The following NOXRED1 variants were observed in gnomAD, a reference collection of about 807,000 sequenced individuals.
NOXRED1 encodes the protein NADP dependent oxidoreductase domain containing 1.
In NOXRED1, 20 loss-of-function variants were observed where a neutral mutation model predicts 30.4. The ratio of observed to expected loss-of-function variants is 0.66; its 90% CI spans 0.46 to 0.96. The LOEUF is 0.96. NOXRED1 is among the 40% of genes least tolerant of loss of function. The pLI, the probability that NOXRED1 is intolerant of heterozygous loss-of-function variation, is 0.00. For missense variants in NOXRED1, 374 were observed against 428.0 expected (o/e 0.87, Z 1.11); for synonymous variants, 155 against 168.0 (o/e 0.92, Z 0.60).
intron 2 of NOXRED1, among the ~76,000 whole-genome samples, chr14:77,408,539 T>C (rs914585543): frequency 3.3e-5 from 5 of 152,226 alleles, no homozygotes; most frequent in Admixed American, 6.5e-5. Context: ...AGAAGTCTTT[T>C]ACTCCAATGT....
upstream of NOXRED1, among the ~76,000 whole-genome samples, chr14:77,425,960 A>C (rs746373796): frequency 6.6e-6 from 1 of 152,226 alleles, no homozygotes; most frequent in African/African-American, 2.4e-5. Context: ...GTGTGGTGGC[A>C]CGTGCCTGTA....
chr14:77,411,920 C>A (rs943249285), intron 2 of NOXRED1, among the ~76,000 whole-genome samples: 1 of 151,840 alleles, frequency 6.6e-6, no homozygotes, highest in African/African-American at 2.4e-5. Flanking sequence ...GGTGAAACCC[C>A]GTCTCTACTA....
chr14:77,424,852 G>A (rs1895086040), upstream of NOXRED1, among the ~76,000 whole-genome samples: 1 of 152,174 alleles, frequency 6.6e-6, no homozygotes, highest in Non-Finnish European at 1.5e-5. Flanking sequence ...TCAGGAGGGT[G>A]GAAATGAACA....
chr14:77,402,731 C>G (rs576768347), intron 5 of NOXRED1, among the ~76,000 whole-genome samples: 126 of 151,084 alleles, frequency 8.3e-4, no homozygotes, highest in African/African-American at 3.0e-3. Context: ...GGTCAATAAG[C>G]ATATGAAAAG....
At chr14:77,424,679 A>G (rs1895079648), upstream of NOXRED1, among the ~76,000 whole-genome samples, 1 of 152,218 alleles carries the variant, frequency 6.6e-6, no homozygotes, top group Non-Finnish European at 1.5e-5. Flanking sequence ...TTGTACAGAC[A>G]TGAATTCTAG....
chr14:77,414,618 C>G (rs774977719), intron 1 of NOXRED1, among the ~76,000 whole-genome samples: 2 of 152,164 alleles, frequency 1.3e-5, no homozygotes, highest in Non-Finnish European at 2.9e-5. Flanking sequence ...AATGTTCCTC[C>G]TGAGTTAATT....
At chr14:77,407,023 A>G (rs1454678353) in intron 3 of NOXRED1, 148 bp from the exon 4 acceptor site, 1 of 682,614 alleles carries the variant, frequency 1.5e-6, no homozygotes, top group East Asian at 2.7e-5. Flanking sequence ...GAGAGCACTA[A>G]TTAACTGGAC....
chr14:77,419,427 GT>G (rs34015054), intron 1 of NOXRED1, among the ~76,000 whole-genome samples: 10,169 of 132,846 alleles, frequency 0.077, 447 homozygotes, highest in African/African-American at 0.13. Context: ...TGGTTGACAG[GT>G]TTTTTTTTTT....
intron 1 of NOXRED1, among the ~76,000 whole-genome samples, chr14:77,414,535 G>C (rs1409278683): frequency 6.6e-6 from 1 of 152,056 alleles, no homozygotes; most frequent in African/African-American, 2.4e-5. Flanking sequence ...TAAGGTGCTT[G>C]GTGGCACCTT....
chr14:77,402,347 C>A (rs996339029), intron 5 of NOXRED1, among the ~76,000 whole-genome samples: 1 of 152,176 alleles, frequency 6.6e-6, no homozygotes, highest in African/African-American at 2.4e-5. Context: ...CAATAGGAGC[C>A]GGGCGCCATG....
chr14:77,408,206 G>C (rs897557106), intron 2 of NOXRED1, among the ~76,000 whole-genome samples: 1 of 151,970 alleles, frequency 6.6e-6, no homozygotes, highest in African/African-American at 2.4e-5. Context: ...TCAAGTGCTG[G>C]AATTTTTCCA....
intron 5 of NOXRED1, among the ~76,000 whole-genome samples, chr14:77,400,102 G>A (rs1013610940): frequency 2.6e-5 from 4 of 152,092 alleles, no homozygotes; most frequent in African/African-American, 9.7e-5. Context: ...CACTAACCTA[G>A]AACTCTGTGC....
At position 77,422,920 on chromosome 14, in the gene NOXRED1, C is replaced by T; in HGVS notation, c.-31G>A. 6.3e-7 allele frequency: 1 copy of T among 1,592,090 alleles called. No individual in the cohort carries two copies. Among genetic ancestry groups the T allele is most frequent in the Admixed American group, 1.8e-5 (1 of 56,218 alleles). ...AGCCACTATTTCCTGCAGTGATAGACACTAATCAATTTGGCTCCCTGTCCC... is the reference window on the plus strand; with the variant it reads ...AGCCACTATTTCCTGCAGTGATAGATACTAATCAATTTGGCTCCCTGTCCC... On this transcript the variant is annotated 5_prime_UTR_variant, in exon 1 of 6. Coordinates refer to ENST00000380835, the MANE Select transcript of NOXRED1 (RefSeq NM_001113475.3).
At chr14:77,408,469 T>C (rs956298238) in intron 2 of NOXRED1, among the ~76,000 whole-genome samples, 1 of 152,160 alleles carries the variant, frequency 6.6e-6, no homozygotes, top group Admixed American at 6.5e-5. Context: ...GTCCTGGGAT[T>C]ACAGGCATGA....
chr14:77,405,446 T>C (rs1446295942), intron 5 of NOXRED1, among the ~76,000 whole-genome samples: 2 of 152,002 alleles, frequency 1.3e-5, no homozygotes, highest in Non-Finnish European at 2.9e-5. Flanking sequence ...TAATGCAAAA[T>C]TGGGGATGAG....
chr14:77,412,487 A>G (rs1447566670), intron 2 of NOXRED1, among the ~76,000 whole-genome samples: 1 of 152,266 alleles, frequency 6.6e-6, no homozygotes, highest in South Asian at 2.1e-4. Context: ...ACTGTGGGAA[A>G]GTGGAGGGGC....
At chr14:77,395,092 TTTTC>T (rs1894144130) in intron 5 of NOXRED1, among the ~76,000 whole-genome samples, 1 of 142,630 alleles carries the variant, frequency 7.0e-6, no homozygotes, top group South Asian at 2.2e-4. Context: ...TGCAGAAAAT[TTTTC>T]TTTTTTTTCT....
chr14:77,407,867 C>CTTTTT (rs556726067), intron 2 of NOXRED1, among the ~76,000 whole-genome samples: 2 of 137,668 alleles, frequency 1.5e-5, no homozygotes, highest in South Asian at 2.3e-4. Flanking sequence ...TATAATTCAT[C>CTTTTT]TTTTTTTTTT....
At chr14:77,412,627 C>T (rs542816301) in intron 2 of NOXRED1, among the ~76,000 whole-genome samples, 1 of 152,232 alleles carries the variant, frequency 6.6e-6, no homozygotes, top group African/African-American at 2.4e-5. Flanking sequence ...ATTTGCCTGC[C>T]TCAGCCGCCT....
Sources: allele counts gnomAD v4.1 joint callset (sites outside exome capture counted in the v4.1 genomes callset), GRCh38; gene constraint gnomAD v4.1.1; transcripts MANE v1.5; gene names NCBI Gene and HGNC (gene_info 2026-07-23, HGNC 2026-07-21).